The following DCDC2 variants were observed in gnomAD, a reference collection of about 807,000 sequenced individuals.
DCDC2 encodes doublecortin domain-containing protein 2.
In DCDC2, 40 loss-of-function variants were observed where a neutral mutation model predicts 50.2. The ratio of observed to expected loss-of-function variants is 0.80; its 90% CI spans 0.62 to 1.04. The LOEUF is 1.04. DCDC2 is among the 50% of genes least tolerant of loss of function. DCDC2 has a pLI of 0.00. For missense variants in DCDC2, 570 were observed against 581.9 expected (o/e 0.98, Z 0.21); for synonymous variants, 234 against 210.6 (o/e 1.11, Z -0.96).
In DCDC2 at chr6:24,273,989, A is replaced by G. The variant is rs115891118; in HGVS notation, c.922+4060T>C. ...TGGGAATAAACCAGGATTTGCATCA[A>G]GAAGAATACTGGCCCATGTGTGGGC... On this transcript the variant is annotated intron_variant, in intron 7 of 9. Coordinates refer to ENST00000378454, the MANE Select transcript of DCDC2 (RefSeq NM_016356.5). 6.4e-3 allele frequency among the ~76,000 whole-genome samples: 977 copies of G among 152,366 alleles called. 7 individuals carry two copies. Among genetic ancestry groups the G allele is most frequent in the African/African-American group, 0.022 (905 of 41,598 alleles).
At chr6:24,290,063 A>G (rs1003132225) in intron 5 of DCDC2, among the ~76,000 whole-genome samples, 35 of 129,578 alleles carry the variant, frequency 2.7e-4, no homozygotes, top group Non-Finnish European at 3.6e-4. Context: ...GCGGGATCTC[A>G]GCTCACTGCA....
intron 7 of DCDC2, among the ~76,000 whole-genome samples, chr6:24,251,302 G>A (rs28993075): frequency 0.12 from 18,557 of 152,084 alleles, 1,269 homozygotes; most frequent in Middle Eastern, 0.16. Context: ...CCCAAATGGC[G>A]CAAATGAATT....
intron 7 of DCDC2, among the ~76,000 whole-genome samples, chr6:24,230,581 C>T (rs1281645291): frequency 6.6e-6 from 1 of 152,070 alleles, no homozygotes; most frequent in Non-Finnish European, 1.5e-5. Context: ...GAGTTCGAGG[C>T]TGCAGTGAGC....
chr6:24,297,257 A>C (rs965789959), intron 4 of DCDC2, among the ~76,000 whole-genome samples: 2 of 152,088 alleles, frequency 1.3e-5, no homozygotes, highest in Admixed American at 1.3e-4. Flanking sequence ...GGGGGAGATA[A>C]ATGAGGACAC....
intron 7 of DCDC2, among the ~76,000 whole-genome samples, chr6:24,254,743 G>T (rs892569500): frequency 6.6e-6 from 1 of 151,868 alleles, no homozygotes; most frequent in Non-Finnish European, 1.5e-5. Flanking sequence ...ACATCAGTCA[G>T]ATATCAAAAA....
chr6:24,189,850 G>A (rs1467004773), intron 8 of DCDC2, among the ~76,000 whole-genome samples: 1 of 152,102 alleles, frequency 6.6e-6, no homozygotes, highest in Non-Finnish European at 1.5e-5. Context: ...TTTGTTACAG[G>A]TTTTGGGGTA....
chr6:24,241,838 A>G (rs1581606549), intron 7 of DCDC2, among the ~76,000 whole-genome samples: 1 of 152,212 alleles, frequency 6.6e-6, no homozygotes, highest in Non-Finnish European at 1.5e-5. Context: ...AGTGTACTTC[A>G]TATTTTACTG....
chr6:24,377,781 A>G, the DCDC2 span, among the ~76,000 whole-genome samples: 1 of 152,172 alleles, frequency 6.6e-6, no homozygotes, highest in Non-Finnish European at 1.5e-5. Context: ...TGAGGTCAGG[A>G]GTTCGAGACC....
chr6:24,279,703 G>C (rs1763428946), intron 6 of DCDC2, among the ~76,000 whole-genome samples: 1 of 152,226 alleles, frequency 6.6e-6, no homozygotes, highest in African/African-American at 2.4e-5. Context: ...GTAGTGGAAA[G>C]AATGCAAGTT....
At chr6:24,272,538 T>C (rs1442981577) in intron 7 of DCDC2, among the ~76,000 whole-genome samples, 3 of 151,876 alleles carry the variant, frequency 2.0e-5, no homozygotes, top group Non-Finnish European at 2.9e-5. Flanking sequence ...ACAGCCCCAT[T>C]AAAAAGTGGG....
chr6:24,224,183 T>C (rs956328656), intron 7 of DCDC2, among the ~76,000 whole-genome samples: 1 of 152,256 alleles, frequency 6.6e-6, no homozygotes, highest in Admixed American at 6.5e-5. Flanking sequence ...TTGCAGTTTA[T>C]AAACACTTTC....
At chr6:24,248,002 G>A (rs531842098) in intron 7 of DCDC2, among the ~76,000 whole-genome samples, 2 of 152,268 alleles carry the variant, frequency 1.3e-5, no homozygotes, top group African/African-American at 4.8e-5. Flanking sequence ...CTTGAACACG[G>A]GAGGCAGAAG....
At chr6:24,297,053 G>T (rs1409684162) in intron 4 of DCDC2, among the ~76,000 whole-genome samples, 3 of 152,104 alleles carry the variant, frequency 2.0e-5, no homozygotes, top group African/African-American at 7.2e-5. Flanking sequence ...CAAAGAAAAG[G>T]AATTAAACTA....
rs1002849507 is a variant in DCDC2, at chr6:24,201,869, C to T, written c.1023+3133G>A. On this transcript the variant is annotated intron_variant, in intron 8 of 9. Coordinates refer to ENST00000378454, the MANE Select transcript of DCDC2 (RefSeq NM_016356.5). ...AGAGAATACTATGAACACCTCTATG[C>T]AAATAAACTAGAAAATCTAGAAGAA... Among the ~76,000 whole-genome samples, 3 of 152,144 alleles carry T rather than the reference C, an allele frequency of 2.0e-5. No individual in the cohort carries two copies. The East Asian group carries it at 5.8e-4, about 29-fold the overall frequency.
At chr6:24,264,217 T>G (rs1763069852) in intron 7 of DCDC2, among the ~76,000 whole-genome samples, 1 of 152,194 alleles carries the variant, frequency 6.6e-6, no homozygotes. Flanking sequence ...CAGACCTATC[T>G]TACAAGAAAT....
At chr6:24,287,998 G>A (rs1763650087) in intron 6 of DCDC2, among the ~76,000 whole-genome samples, 1 of 152,076 alleles carries the variant, frequency 6.6e-6, no homozygotes, top group African/African-American at 2.4e-5. Flanking sequence ...CACTACTTAT[G>A]TACACAAAAT....
At chr6:24,298,001 G>C (rs1463420856) in intron 4 of DCDC2, among the ~76,000 whole-genome samples, 1 of 152,200 alleles carries the variant, frequency 6.6e-6, no homozygotes, top group East Asian at 1.9e-4. Context: ...AATATGTCTA[G>C]AGCAGTGGTC....
rs962336708 is a variant in DCDC2 at position 24,173,107 on chromosome 6, G to T, written c.*1623C>A. 6.6e-6 allele frequency: 1 copy of T among 151,730 alleles called. No homozygotes were observed. Among genetic ancestry groups the T allele is most frequent in the Non-Finnish European group, 1.5e-5 (1 of 67,932 alleles). 9.4% of individuals were successfully genotyped at this position (151,730 alleles called of 1,614,324 possible). ...ATATCATCCCATTTGAAAAAGTAAC[G>T]CTAGTAGAAAGCACAATTTAGATTT... is the stretch of plus-strand genomic sequence containing the variant. On this transcript the variant is annotated 3_prime_UTR_variant, in exon 10 of 10. Coordinates refer to ENST00000378454, the MANE Select transcript of DCDC2 (RefSeq NM_016356.5).
At chr6:24,289,778 T>G (rs76644361) in intron 5 of DCDC2, among the ~76,000 whole-genome samples, 1,580 of 152,228 alleles carry the variant, frequency 0.01, 26 homozygotes, top group African/African-American at 0.036. Flanking sequence ...AGCCTCTCCA[T>G]CAAGTTACAC....
Sources: gnomAD v4.1 joint callset for allele counts (sites outside exome capture counted in the v4.1 genomes callset) on GRCh38, gnomAD v4.1.1 for gene constraint, MANE v1.5 for transcripts, NCBI Gene and HGNC (gene_info 2026-07-23, HGNC 2026-07-21) for gene names.